The following WDR1 variants were observed in gnomAD, a reference collection of about 807,000 sequenced individuals.
WDR1 encodes WD repeat-containing protein 1.
WDR1 carries 21 observed loss-of-function variants against 71.9 expected under a neutral mutation model. That is an observed-to-expected ratio of 0.29 (90% confidence interval 0.21 to 0.42). WDR1 has a LOEUF of 0.42. Among genes scored for constraint, WDR1 ranks in the 10% least tolerant of loss-of-function variants. The probability of loss-of-function intolerance (pLI) is 1.00; values close to 1 mark genes in which losing one functional copy is unlikely to be tolerated. For missense variants in WDR1, 696 were observed against 824.5 expected (o/e 0.84, Z 1.91); for synonymous variants, 424 against 347.4 (o/e 1.22, Z -2.45).
At chr4:10,113,914 T>C (rs1175607399) in intron 2 of WDR1, among the ~76,000 whole-genome samples, 1 of 152,118 alleles carries the variant, frequency 6.6e-6, no homozygotes, top group Non-Finnish European at 1.5e-5. Context: ...GTATGTTGAG[T>C]CTGAGATGTC....
chr4:10,113,523 C>T (rs1211284452), intron 2 of WDR1, among the ~76,000 whole-genome samples: 1 of 152,230 alleles, frequency 6.6e-6, no homozygotes, highest in Admixed American at 6.5e-5. Context: ...ACGGTAAGGA[C>T]TCTGGCTTTC....
At chr4:10,080,491 T>A (rs982727568) in intron 11 of WDR1, among the ~76,000 whole-genome samples, 13 of 152,206 alleles carry the variant, frequency 8.5e-5, no homozygotes, top group Non-Finnish European at 1.3e-4. Flanking sequence ...TTGGCAGGGA[T>A]TTCTTATTAT....
At chr4:10,104,930 C>A (rs1274613971) in intron 2 of WDR1, among the ~76,000 whole-genome samples, 1 of 152,164 alleles carries the variant, frequency 6.6e-6, no homozygotes, top group Non-Finnish European at 1.5e-5. Flanking sequence ...GCTGCCACCC[C>A]ACCCCTCATC....
At chr4:10,088,875 G>C (rs901211078) in intron 5 of WDR1, 134 bp from the exon 6 acceptor site, 7 of 741,622 alleles carry the variant, frequency 9.4e-6, no homozygotes, top group Non-Finnish European at 1.6e-5. Flanking sequence ...GAAAATTTCA[G>C]AGCTTAAAAA....
At chr4:10,089,436 T>C (rs1560534730) in intron 5 of WDR1, among the ~76,000 whole-genome samples, 1 of 152,192 alleles carries the variant, frequency 6.6e-6, no homozygotes, top group Non-Finnish European at 1.5e-5. Flanking sequence ...AGTTAATGAT[T>C]ATGACCTTCA....
intron 10 of WDR1, among the ~76,000 whole-genome samples, 154 bp from the exon 11 acceptor site, chr4:10,081,598 C>T (rs1169637573): frequency 2.2e-5 from 3 of 134,648 alleles, no homozygotes; most frequent in Admixed American, 9.3e-5. Context: ...GGGATGGTAG[C>T]GAAAAAACGA....
chr4:10,077,420 G>A lies in WDR1; in HGVS notation c.1598C>T (p.Ala533Val). The change falls in exon 14 of 15, where the codon GCA (alanine) becomes GTA (valine). Residue 533 changes from alanine (A) to valine (V), a missense_variant. By Grantham distance (64) the Ala-to-Val change is moderately conservative. Transcript: ENST00000499869. ...SENNVFYGHHAKIVCLAWSPD... is the reference protein window; with the variant it reads ...SENNVFYGHHVKIVCLAWSPD... ...GGACCAGGCCAGGCAGACGATTTTT[G>A]CATGGTGTCCATAAAAAACATTGTT... The A allele has an allele frequency of 6.2e-7, 1 of 1,613,956 alleles. No individual in the cohort carries two copies.
At chr4:10,098,933 G>C in intron 4 of WDR1, 59 bp downstream of exon 4, 1 of 1,603,914 alleles carries the variant, frequency 6.2e-7, no homozygotes, top group Non-Finnish European at 8.5e-7. Context: ...CAGGGTCATA[G>C]CACATGGACG....
intron 3 of WDR1, among the ~76,000 whole-genome samples, chr4:10,099,730 C>T (rs1033247643): frequency 6.6e-6 from 1 of 152,264 alleles, no homozygotes; most frequent in Non-Finnish European, 1.5e-5. Context: ...TGCAGCTTCC[C>T]AACAGCGTGC....
At chr4:10,076,299 G>C (rs576830090) in intron 14 of WDR1, 1 of 152,400 alleles carries the variant, frequency 6.6e-6, no homozygotes, top group Non-Finnish European at 1.5e-5. Context: ...TTGGCTGTGA[G>C]GCCAGGCTTT....
rs1764861664 is a variant in WDR1 at position 10,077,875 on chromosome 4, C to T, written c.1447G>A (p.Gly483Ser). 1 of 1,611,476 alleles carries T rather than the reference C, an allele frequency of 6.2e-7. No homozygotes were observed. The highest frequency in any genetic ancestry group is 1.3e-5 in the African/African-American group (1 of 74,908). Residue 483 changes from glycine (G) to serine (S), a missense_variant, in exon 13 of 15, where the codon GGC (glycine) becomes AGC (serine). By Grantham distance (56) the Gly-to-Ser change is moderately conservative. Coordinates refer to ENST00000499869, the MANE Select transcript of WDR1 (RefSeq NM_017491.5). ...GGGCCCTTGGCCTCTAGGAGCTTGC[C>T]CTCATCCTTCAGCGTGGTGCCCAGG... ...SILGTTLKDE[G>S]KLLEAKGPVT... is the part of the protein sequence containing the mutation.
chr4:10,077,944 A>G lies in WDR1; in HGVS notation c.1396-18T>C. On this transcript the variant is annotated intron_variant, in intron 12 of 14. Coordinates refer to ENST00000499869, the MANE Select transcript of WDR1 (RefSeq NM_017491.5). ...TTGCCGTCCTACGGCAGGGACAGAG[A>G]GGAAGTGAGCCACCCCTGAACACAC... is the stretch of plus-strand genomic sequence containing the variant. 2 of 1,590,026 alleles carry G rather than the reference A, an allele frequency of 1.3e-6. No individual in the cohort carries two copies. Among genetic ancestry groups the G allele is most frequent in the Non-Finnish European group, 1.7e-6 (2 of 1,166,092 alleles).
At chr4:10,098,109 G>A (rs1348183226) in intron 4 of WDR1, among the ~76,000 whole-genome samples, 1 of 152,130 alleles carries the variant, frequency 6.6e-6, no homozygotes, top group Admixed American at 6.5e-5. Context: ...GGGGCAAGCC[G>A]GCGCCTTCGG....
Position 10,077,848 on chromosome 4 carries a change from C to T in WDR1, c.1474G>A (p.Val492Met), listed in dbSNP as rs1386220594. ...TCGTGGGAGTAGGCCACGTCGGTCA[C>T]GGGGCCCTTGGCCTCTAGGAGCTTG... is the stretch of plus-strand genomic sequence containing the variant. ...EGKLLEAKGP[V>M]TDVAYSHDGA... is the part of the protein sequence containing the mutation. The change falls in exon 13 of 15, where the codon GTG (valine) becomes ATG (methionine). Residue 492 changes from valine to methionine, a missense_variant. Physicochemically the swap from Val to Met is conservative, Grantham distance 21. Transcript: ENST00000499869. The T allele has an allele frequency of 6.2e-7, 1 of 1,610,500 alleles. No individual in the cohort carries two copies. The highest frequency in any genetic ancestry group is 1.1e-5 in the South Asian group (1 of 90,374).
chr4:10,094,404 G>A (rs959776045), intron 5 of WDR1, among the ~76,000 whole-genome samples: 5 of 152,232 alleles, frequency 3.3e-5, no homozygotes, highest in Admixed American at 6.5e-5. Context: ...GGCGAAGGCA[G>A]ACAACAGAGA....
chr4:10,103,649 C>G (rs561433143), intron 3 of WDR1, among the ~76,000 whole-genome samples: 1 of 152,192 alleles, frequency 6.6e-6, no homozygotes, highest in East Asian at 1.9e-4. Context: ...GGGCTGCATT[C>G]GAAGCCATCC....
intron 10 of WDR1, among the ~76,000 whole-genome samples, chr4:10,082,424 G>A (rs1466372367): frequency 6.6e-6 from 1 of 152,318 alleles, no homozygotes; most frequent in East Asian, 1.9e-4. Flanking sequence ...GACACTGGAT[G>A]TGCAGTGGCC....
chr4:10,077,973 C>A, intron 12 of WDR1, 47 bp from the exon 13 acceptor site: 1 of 1,519,892 alleles, frequency 6.6e-7, no homozygotes, highest in South Asian at 1.3e-5. Context: ...AACACACACA[C>A]CACACCCATC....
intron 12 of WDR1, 132 bp from the exon 13 acceptor site, chr4:10,078,058 A>C: frequency 8.6e-7 from 1 of 1,160,542 alleles, no homozygotes; most frequent in Non-Finnish European, 1.2e-6. Context: ...GGCCCATGCC[A>C]GGAGCTGGGC....
Sources: gnomAD v4.1 joint callset for allele counts (sites outside exome capture counted in the v4.1 genomes callset) on GRCh38, gnomAD v4.1.1 for gene constraint, MANE v1.5 for transcripts, NCBI Gene and HGNC (gene_info 2026-07-23, HGNC 2026-07-21) for gene names.